RABGAP1L: variants seen among roughly 807,000 people sequenced by gnomAD.
RABGAP1L encodes RAB GTPase activating protein 1 like.
A neutral mutation model predicts 137.7 loss-of-function variants in RABGAP1L; 63 were observed. The observed-to-expected ratio is 0.46, with a 90% confidence interval of 0.37 to 0.56. The LOEUF is 0.56. RABGAP1L is among the 20% of genes least tolerant of loss of function. The pLI is 0.00. For missense variants in RABGAP1L, 1,095 were observed against 1,244.0 expected, an observed-to-expected ratio of 0.88 and a Z score of 1.80; for synonymous variants, 431 against 433.7, an observed-to-expected ratio of 0.99 and a Z score of 0.08.
chr1:174,606,759 A>C (rs1264011123), intron 13 of RABGAP1L, among the ~76,000 whole-genome samples: 1 of 152,140 alleles, frequency 6.6e-6, no homozygotes, highest in African/African-American at 2.4e-5. Flanking sequence ...GTTATCTCAA[A>C]GTCCTCATTT....
intron 4 of RABGAP1L, chr1:174,238,792 C>T (rs909166186): frequency 4.6e-5 from 7 of 151,414 alleles, no homozygotes; most frequent in African/African-American, 1.7e-4. Context: ...GTGGTGGGCT[C>T]CACCCAGTTC....
chr1:174,951,106 T>A (rs1667634811), intron 19 of RABGAP1L, among the ~76,000 whole-genome samples: 1 of 152,206 alleles, frequency 6.6e-6, no homozygotes, highest in South Asian at 2.1e-4. Context: ...TGCTTCTCCC[T>A]CTCCAACCCT....
chr1:174,294,930 T>A (rs541512831), intron 10 of RABGAP1L, among the ~76,000 whole-genome samples: 2 of 152,134 alleles, frequency 1.3e-5, no homozygotes, highest in Non-Finnish European at 2.9e-5. Context: ...ATTTTTTTTT[T>A]TTTCTTGAGA....
intron 11 of RABGAP1L, among the ~76,000 whole-genome samples, chr1:174,318,522 A>G (rs111767677): frequency 4.0e-5 from 6 of 151,720 alleles, no homozygotes; most frequent in Non-Finnish European, 8.8e-5. Context: ...TACTCAATCC[A>G]TTTATATTCG....
intron 17 of RABGAP1L, among the ~76,000 whole-genome samples, chr1:174,748,875 TA>T (rs879514176): frequency 1.4e-3 from 196 of 141,228 alleles, no homozygotes; most frequent in Middle Eastern, 3.6e-3. Context: ...ACTCTGTTCT[TA>T]AAAAAAAAAA....
At chr1:174,346,448 T>TTTC (rs1682437048) in intron 11 of RABGAP1L, among the ~76,000 whole-genome samples, 1 of 152,170 alleles carries the variant, frequency 6.6e-6, no homozygotes, top group Admixed American at 6.5e-5. Context: ...AGGTTTTGGA[T>TTTC]TTCTTCATGG....
At chr1:174,947,455 T>C (rs2149314077) in intron 19 of RABGAP1L, among the ~76,000 whole-genome samples, 1 of 152,148 alleles carries the variant, frequency 6.6e-6, no homozygotes, top group Non-Finnish European at 1.5e-5. Context: ...TTCGCTCCTG[T>C]CACCCAGGCT....
chr1:174,790,847 G>A (rs1199912532), intron 18 of RABGAP1L, among the ~76,000 whole-genome samples: 1 of 151,598 alleles, frequency 6.6e-6, no homozygotes, highest in Admixed American at 6.6e-5. Context: ...AGGAGGCTGT[G>A]CAATCTATTA....
chr1:174,789,439 C>T (rs1423478375), intron 18 of RABGAP1L, among the ~76,000 whole-genome samples: 1 of 152,050 alleles, frequency 6.6e-6, no homozygotes, highest in Non-Finnish European at 1.5e-5. Flanking sequence ...CCTGATTTTT[C>T]AATACTGCTA....
intron 10 of RABGAP1L, among the ~76,000 whole-genome samples, chr1:174,284,684 A>G (rs569666403): frequency 7.1e-5 from 10 of 139,994 alleles, no homozygotes; most frequent in East Asian, 2.1e-4. Context: ...TTACATTCCT[A>G]CCATCAGTGT....
At chr1:174,967,442 A>G (rs1669734839) in intron 20 of RABGAP1L, among the ~76,000 whole-genome samples, 1 of 151,296 alleles carries the variant, frequency 6.6e-6, no homozygotes. Context: ...GGTTCAAGCA[A>G]TTCTCCTGCC....
At chr1:174,403,423 T>C (rs1019490975) in intron 13 of RABGAP1L, among the ~76,000 whole-genome samples, 2 of 152,088 alleles carry the variant, frequency 1.3e-5, no homozygotes, top group African/African-American at 4.8e-5. Context: ...GGATTTAAGA[T>C]TCACCTCTCC....
rs536536006 is a variant in RABGAP1L at position 174,743,554 on chromosome 1, A to G, written c.2170-8759A>G. 1.2e-4 allele frequency among the ~76,000 whole-genome samples: 19 copies of G among 152,252 alleles called. No individual in the cohort carries two copies. In the East Asian group the frequency reaches 3.5e-3, roughly 28 times the overall value. On this transcript the variant is annotated intron_variant, in intron 17 of 25. Coordinates refer to ENST00000681986, the MANE Select transcript of RABGAP1L (RefSeq NM_001366446.1). ...ATTCAGATGTCACAAACCTCTAAAAATTTCTTTCCTTGTTCAACAAACCCC... is the reference window on the plus strand; with the variant it reads ...ATTCAGATGTCACAAACCTCTAAAAGTTTCTTTCCTTGTTCAACAAACCCC...
intron 19 of RABGAP1L, among the ~76,000 whole-genome samples, chr1:174,870,800 C>T (rs886647749): frequency 6.7e-6 from 1 of 149,192 alleles, no homozygotes; most frequent in African/African-American, 2.5e-5. Context: ...TGCAGTGGTG[C>T]GATCTTAGCT....
chr1:174,944,276 A>G (rs1489418244), intron 19 of RABGAP1L, among the ~76,000 whole-genome samples: 2 of 145,838 alleles, frequency 1.4e-5, no homozygotes, highest in East Asian at 2.0e-4. Context: ...GACTGTCTCA[A>G]AAAAAAAAAA....
intron 13 of RABGAP1L, among the ~76,000 whole-genome samples, chr1:174,600,055 C>T (rs1402249018): frequency 6.6e-6 from 1 of 152,090 alleles, no homozygotes; most frequent in African/African-American, 2.4e-5. Context: ...GCTGAGGAGG[C>T]CTCAGAATCA....
intron 18 of RABGAP1L, among the ~76,000 whole-genome samples, chr1:174,775,938 A>C (rs959370962): frequency 6.6e-6 from 1 of 152,202 alleles, no homozygotes; most frequent in Non-Finnish European, 1.5e-5. Context: ...GAAACATGTC[A>C]CAGTCAGTCC....
At chr1:174,244,884 T>C (rs1025659102) in intron 5 of RABGAP1L, 2 of 152,254 alleles carry the variant, frequency 1.3e-5, no homozygotes, top group African/African-American at 4.8e-5. Flanking sequence ...TTTAGGATAC[T>C]ATTCAGTATT....
intron 18 of RABGAP1L, among the ~76,000 whole-genome samples, chr1:174,803,965 C>T (rs1689001842): frequency 6.6e-6 from 1 of 151,694 alleles, no homozygotes; most frequent in African/African-American, 2.4e-5. Context: ...CCCAGCTACT[C>T]TGGGAGGCTG....
Sources: allele counts gnomAD v4.1 joint callset (sites outside exome capture counted in the v4.1 genomes callset), GRCh38; gene constraint gnomAD v4.1.1; transcripts MANE v1.5; gene names NCBI Gene and HGNC (gene_info 2026-07-23, HGNC 2026-07-21).